TMED3: variants seen among roughly 807,000 people sequenced by gnomAD.
The protein encoded by TMED3 is transmembrane emp24 domain-containing protein 3.
A neutral mutation model predicts 15.0 loss-of-function variants in TMED3; 9 were observed. The observed-to-expected ratio is 0.60, with a 90% CI of 0.36 to 1.04. TMED3 has a LOEUF of 1.04. TMED3 is among the 50% of genes least tolerant of loss of function. The probability of loss-of-function intolerance (pLI) is 0.01; values close to 1 mark genes in which losing one functional copy is unlikely to be tolerated. For missense variants in TMED3, 267 were observed against 278.9 expected (o/e 0.96, Z 0.30); for synonymous variants, 117 against 121.4 (o/e 0.96, Z 0.24).
rs552252352 is a variant in TMED3, at chr15:79,411,131, G to A, written c.418-269G>A. Among the ~76,000 whole-genome samples, 5 of 152,244 alleles carry A rather than the reference G, an allele frequency of 3.3e-5. No homozygotes were observed. The East Asian group carries it at 9.6e-4, about 29-fold the overall frequency. On this transcript the variant is annotated intron_variant, in intron 2 of 2. Transcript: ENST00000424155. ...TGCAGAGATATTAGGTAACTCACCC[G>A]GGGTCACACAGGCATCCAGGGGAAA...
intron 2 of TMED3, among the ~76,000 whole-genome samples, chr15:79,367,091 T>A (rs1295933655): frequency 1.3e-5 from 2 of 152,154 alleles, no homozygotes; most frequent in African/African-American, 4.8e-5. Context: ...AGCTGCTGGG[T>A]CCTGAATTAG....
chr15:79,393,964 T>TG (rs1250626083), intron 2 of TMED3, among the ~76,000 whole-genome samples: 1 of 150,732 alleles, frequency 6.6e-6, no homozygotes, highest in Non-Finnish European at 1.5e-5. Context: ...CCCCAAATGT[T>TG]GGGATTACAT....
chr15:79,349,274 C>T (rs7175244), intron 2 of TMED3, among the ~76,000 whole-genome samples: 14,259 of 152,110 alleles, frequency 0.094, 711 homozygotes, highest in Admixed American at 0.12. Context: ...TTAATTATTC[C>T]ACAATGCTTA....
At chr15:79,395,112 T>A (rs1314136381) in intron 2 of TMED3, among the ~76,000 whole-genome samples, 2 of 152,226 alleles carry the variant, frequency 1.3e-5, no homozygotes, top group East Asian at 3.8e-4. Context: ...CTGATAATAT[T>A]TCCTGTTTTC....
At chr15:79,320,765 T>G (rs2058762959) in intron 2 of TMED3, among the ~76,000 whole-genome samples, 1 of 152,214 alleles carries the variant, frequency 6.6e-6, no homozygotes, top group Non-Finnish European at 1.5e-5. Flanking sequence ...AAACATAGTG[T>G]CTTAATGCAA....
chr15:79,354,322 C>T (rs888642204), intron 2 of TMED3, among the ~76,000 whole-genome samples: 1 of 152,082 alleles, frequency 6.6e-6, no homozygotes, highest in African/African-American at 2.4e-5. Context: ...CTAGAACATC[C>T]AAGTCCTTGA....
chr15:79,319,344 C>G lies in TMED3; in HGVS notation c.418-2634C>G, dbSNP rs538598008. Among the ~76,000 whole-genome samples the G allele has an allele frequency of 7.2e-5, 11 of 152,324 alleles. No individual in the cohort carries two copies. In the South Asian group the frequency reaches 2.3e-3, roughly 32 times the overall value. On this transcript the variant is annotated intron_variant, in intron 2 of 2. Coordinates refer to ENST00000299705, the MANE Select transcript of TMED3 (RefSeq NM_007364.4). Reference sequence around the variant, plus strand: ...CTGTAATGCAGAGGCAGAAGGGAAGCTTTTGTTCTTCCTTACATAGTCTAG... The same window carrying G: ...CTGTAATGCAGAGGCAGAAGGGAAGGTTTTGTTCTTCCTTACATAGTCTAG...
Position 79,311,192 on chromosome 15 carries a change from CAGCCCGCCGGGGGCGCAGCGCCCG to C in TMED3, c.-53_-30del, listed in dbSNP as rs1422848475. 7 of 1,527,664 alleles carry C rather than the reference CAGCCCGCCGGGGGCGCAGCGCCCG, an allele frequency of 4.6e-6. No individual in the cohort carries two copies. Among genetic ancestry groups the C allele is most frequent in the East Asian group, 2.4e-5 (1 of 41,098 alleles). The allele number at this position is 1,527,664 out of a possible 1,614,324, so 94.6% of individuals were successfully genotyped here. A position where few individuals can be genotyped will look rare whatever the true frequency, so the allele number is the denominator to read the frequency against. ...AGGACCCGGTCGGTAGTCGTCGCCC[CAGCCCGCCGGGGGCGCAGCGCCCG>C]AGCCGCGGCCCTCGAGACGGGACCG... On this transcript the variant is annotated 5_prime_UTR_variant, in exon 1 of 3. Transcript: ENST00000299705.
intron 2 of TMED3, among the ~76,000 whole-genome samples, chr15:79,329,631 A>G (rs373540038): frequency 1.3e-5 from 2 of 152,234 alleles, no homozygotes; most frequent in East Asian, 3.8e-4. Flanking sequence ...TGCAGCTGTA[A>G]GTGTGGGAGC....
At chr15:79,350,330 GATAAGCCGTCT>G (rs1420696110) in intron 2 of TMED3, among the ~76,000 whole-genome samples, 1 of 152,138 alleles carries the variant, frequency 6.6e-6, no homozygotes, top group Non-Finnish European at 1.5e-5. Flanking sequence ...GAAGTCTCAT[GATAAGCCGTCT>G]GCAAGCTGAG....
chr15:79,383,908 G>T (rs1036911368), intron 2 of TMED3: 9 of 152,202 alleles, frequency 5.9e-5, no homozygotes, highest in Non-Finnish European at 1.0e-4. Flanking sequence ...CTTTCTTTGG[G>T]TTAATCCTTT....
At chr15:79,390,371 T>C (rs1180449555) in intron 2 of TMED3, among the ~76,000 whole-genome samples, 2 of 152,228 alleles carry the variant, frequency 1.3e-5, no homozygotes, top group Non-Finnish European at 2.9e-5. Context: ...TTTTTAATTC[T>C]GTTTATCTGG....
rs183141303 is a variant in TMED3, at chr15:79,377,686, C to T, written c.418-33714C>T. Among the ~76,000 whole-genome samples the T allele has an allele frequency of 9.8e-3, 1,267 of 129,610 alleles. 7 individuals carry two copies. The highest frequency in any genetic ancestry group is 0.054 in the Middle Eastern group (9 of 166). 85.0% of individuals were successfully genotyped at this position (129,610 alleles called of 152,430 possible). On this transcript the variant is annotated intron_variant, in intron 2 of 2. Coordinates refer to the TMED3 transcript ENST00000424155. ...TTTTTGAGACGGAGTCTCGCTCTTT[C>T]GCCCAGGCCAGACTGCAGTGGCGCA...
At position 79,411,432 on chromosome 15, in the gene TMED3, C is replaced by A. The variant is rs765763791; in HGVS notation, c.450C>A (p.Asp150Glu). ...GAGGAGCTTATTGGAAGGAGGTGGA[C>A]AAGATGGTCGACTATATGCAGCCAG... Residue 150 changes from aspartate to glutamate, a missense_variant, in exon 3 of 3, where the codon GAC (aspartate) becomes GAA (glutamate). Transcript: ENST00000424155. 4.3e-6 allele frequency: 3 copies of A among 702,420 alleles called. No individual in the cohort carries two copies. In the African/African-American group the frequency reaches 5.2e-5, roughly 12 times the overall value. 43.5% of individuals were successfully genotyped at this position (702,420 alleles called of 1,614,324 possible). A position where few individuals can be genotyped will look rare whatever the true frequency, so the allele number is the denominator to read the frequency against.
chr15:79,341,220 G>A (rs1487846094), intron 2 of TMED3, among the ~76,000 whole-genome samples: 1 of 50,760 alleles, frequency 2.0e-5, no homozygotes, highest in Non-Finnish European at 3.7e-5. Context: ...AAAAAAAAAG[G>A]TGAAGAAAGA....
rs557860620 is a variant in TMED3 at position 79,315,192 on chromosome 15, T to C, written c.417+1187T>C. ...CCAGTCTTCCACCTTCCCTAAGCAG[T>C]TGGAGGCTAGAGCTGCACTGTTCAG... On this transcript the variant is annotated intron_variant, in intron 2 of 2. Coordinates refer to ENST00000299705, the MANE Select transcript of TMED3 (RefSeq NM_007364.4). 3.9e-5 allele frequency among the ~76,000 whole-genome samples: 6 copies of C among 152,330 alleles called. No homozygotes were observed. In the South Asian group the frequency reaches 1.2e-3, roughly 32 times the overall value.
intron 2 of TMED3, chr15:79,384,585 C>A (rs370422991): frequency 2.0e-5 from 3 of 152,132 alleles, no homozygotes; most frequent in African/African-American, 7.2e-5. Flanking sequence ...AAATCAAACT[C>A]AAAAAGTTCC....
intron 2 of TMED3, chr15:79,383,891 G>C (rs1289867493): frequency 1.3e-5 from 2 of 152,226 alleles, no homozygotes; most frequent in African/African-American, 4.8e-5. Context: ...GGGGTAAAGA[G>C]CCAAAACTTT....
intron 1 of TMED3, 90 bp from the exon 2 acceptor site, chr15:79,313,667 A>G: frequency 6.8e-7 from 1 of 1,473,112 alleles, no homozygotes; most frequent in Admixed American, 2.4e-5. Flanking sequence ...AGTGACAGAA[A>G]TGTTTGTAGA....
Sources: gnomAD v4.1 joint callset for allele counts (sites outside exome capture counted in the v4.1 genomes callset) on GRCh38, gnomAD v4.1.1 for gene constraint, MANE v1.5 for transcripts, NCBI Gene and HGNC (gene_info 2026-07-23, HGNC 2026-07-21) for gene names.